Variants in MGA observed in about 807,000 individuals in gnomAD.
The protein encoded by MGA is MAX gene-associated protein.
MGA carries 40 observed loss-of-function variants against 261.1 expected under a neutral mutation model. That is an observed-to-expected ratio of 0.15 (90% CI 0.12 to 0.20). The LOEUF is 0.20. Among genes scored for constraint, MGA ranks in the 10% least tolerant of loss-of-function variants. The pLI is 1.00. For missense variants in MGA, 3,397 were observed against 3,630.5 expected, an observed-to-expected ratio of 0.94 and a Z score of 1.65; for synonymous variants, 1,302 against 1,290.6, an observed-to-expected ratio of 1.01 and a Z score of -0.19.
At chr15:41,650,379 T>A (rs570322128) in intron 1 of MGA, among the ~76,000 whole-genome samples, 1 of 152,324 alleles carries the variant, frequency 6.6e-6, no homozygotes, top group South Asian at 2.1e-4. Flanking sequence ...TCTTTAACAC[T>A]AAGCCTTACT....
chr15:41,638,354 A>AT (rs1485302635), intron 1 of MGA, among the ~76,000 whole-genome samples: 4 of 148,318 alleles, frequency 2.7e-5, no homozygotes. Context: ...TTAATTTTTA[A>AT]TTTTAAAATA....
intron 5 of MGA, among the ~76,000 whole-genome samples, chr15:41,702,937 A>T (rs1003743708): frequency 4.6e-5 from 7 of 151,814 alleles, no homozygotes; most frequent in Admixed American, 1.3e-4. Flanking sequence ...GAGAATACCT[A>T]TTTTTTTTCC....
At chr15:41,636,416 C>A (rs2056708411) in intron 1 of MGA, among the ~76,000 whole-genome samples, 1 of 151,248 alleles carries the variant, frequency 6.6e-6, no homozygotes. Flanking sequence ...CCTCAGCCTC[C>A]CCAGTAGCTG....
intron 5 of MGA, among the ~76,000 whole-genome samples, chr15:41,703,656 T>TG (rs565880543): frequency 0.014 from 2,099 of 152,182 alleles, 43 homozygotes; most frequent in South Asian, 0.07. Context: ...GCAGGAGAAT[T>TG]GCTTGAAACT....
In MGA at chr15:41,762,298, G is replaced by A; in HGVS notation, c.7680G>A (p.Gln2560=). Residue 2560 remains glutamine, a synonymous_variant, in exon 22 of 24, where the codon CAG becomes CAA. Transcript: ENST00000219905. ...CTGCATCATCTGTAGATCTTGGACA[G>A]ATGTTTATAAATAACAGGAGGGGGA... 1 of 1,613,816 alleles carries A rather than the reference G, an allele frequency of 6.2e-7. No homozygotes were observed. The highest frequency in any genetic ancestry group is 8.5e-7 in the Non-Finnish European group (1 of 1,179,836).
chr15:41,623,958 G>A (rs1427495579), intron 1 of MGA, among the ~76,000 whole-genome samples: 3 of 151,218 alleles, frequency 2.0e-5, no homozygotes, highest in African/African-American at 4.9e-5. Flanking sequence ...TTGAGGCGGG[G>A]TTTCACCGTG....
intron 1 of MGA, among the ~76,000 whole-genome samples, chr15:41,640,904 A>C (rs759400447): frequency 1.3e-4 from 20 of 152,190 alleles, no homozygotes; most frequent in Non-Finnish European, 2.6e-4. Context: ...TTTTTAGTGT[A>C]TTCATAGTAA....
At chr15:41,665,889 C>T (rs530077597) in intron 1 of MGA, among the ~76,000 whole-genome samples, 14 of 151,956 alleles carry the variant, frequency 9.2e-5, no homozygotes, top group Non-Finnish European at 1.5e-4. Context: ...TCTTTATAAC[C>T]TTTAATAATT....
intron 5 of MGA, among the ~76,000 whole-genome samples, chr15:41,706,923 A>G (rs1037486810): frequency 8.5e-5 from 13 of 152,188 alleles, no homozygotes; most frequent in African/African-American, 3.1e-4. Context: ...TTTTATTAAA[A>G]TTTAAGTTAA....
intron 1 of MGA, among the ~76,000 whole-genome samples, chr15:41,627,062 A>G (rs967976860): frequency 6.6e-6 from 1 of 152,048 alleles, no homozygotes; most frequent in Non-Finnish European, 1.5e-5. Context: ...GTGCACCACC[A>G]CATCCAGCTA....
intron 1 of MGA, among the ~76,000 whole-genome samples, chr15:41,639,296 G>A (rs1003106655): frequency 3.3e-5 from 5 of 151,832 alleles, no homozygotes; most frequent in African/African-American, 1.2e-4. Context: ...TTCTATTCTT[G>A]ATTCCAGCTC....
At chr15:41,765,959 A>T in intron 23 of MGA, 45 bp from the exon 24 acceptor site, 1 of 1,509,016 alleles carries the variant, frequency 6.6e-7, no homozygotes, top group South Asian at 1.2e-5. Context: ...AGGTGTTAAC[A>T]CTAGATCTAA....
chr15:41,709,812 G>T (rs1332249286), intron 7 of MGA, among the ~76,000 whole-genome samples: 1 of 142,592 alleles, frequency 7.0e-6, no homozygotes, highest in African/African-American at 2.6e-5. Context: ...CCCCTGTTAT[G>T]TGTTTTTCTT....
At chr15:41,681,413 T>G (rs2058669714) in intron 2 of MGA, among the ~76,000 whole-genome samples, 2 of 151,978 alleles carry the variant, frequency 1.3e-5, no homozygotes, top group African/African-American at 4.8e-5. Flanking sequence ...TTTTTTTTTT[T>G]TAATTCTGTT....
chr15:41,733,909 A>C (rs892012406), intron 11 of MGA, among the ~76,000 whole-genome samples: 1 of 96,614 alleles, frequency 1.0e-5, no homozygotes, highest in Non-Finnish European at 2.1e-5. Context: ...ACATTGGCAA[A>C]TTTTGTTTCT....
At position 41,712,265 on chromosome 15, in the gene MGA, A is replaced by G. The variant is rs1308335263; in HGVS notation, c.3085-886A>G. Among the ~76,000 whole-genome samples, 8 of 151,422 alleles carry G rather than the reference A, an allele frequency of 5.3e-5. No homozygotes were observed. In the East Asian group the frequency reaches 1.6e-3, roughly 30 times the overall value. ...TTATTTGTTTTTGAGACAATGTCTC[A>G]CTCTTGTTGCCCAGGCTGGAGTTTA... On this transcript the variant is annotated intron_variant, in intron 8 of 23. Transcript: ENST00000219905.
At chr15:41,658,206 A>G (rs1171722516), upstream of MGA, among the ~76,000 whole-genome samples, 1 of 152,206 alleles carries the variant, frequency 6.6e-6, no homozygotes, top group East Asian at 1.9e-4. Context: ...AGTCTAGGAA[A>G]ATCAAGGCAA....
rs189070719 is a variant in MGA, at chr15:41,717,773, A to G, written c.3430+4277A>G. On this transcript the variant is annotated intron_variant, in intron 9 of 23. Coordinates refer to ENST00000219905, the MANE Select transcript of MGA (RefSeq NM_001164273.2). ...GCATTACCCTGATATTCAATCCATA[A>G]GAAGACTTTACAAGAAAACTGTAGA... Among the ~76,000 whole-genome samples, 598 of 152,342 alleles carry G rather than the reference A, an allele frequency of 3.9e-3. 5 individuals are homozygous for G. Among genetic ancestry groups the G allele is most frequent in the Middle Eastern group, 0.014 (4 of 294 alleles).
chr15:41,703,129 A>G (rs934790746), intron 5 of MGA, among the ~76,000 whole-genome samples: 2 of 152,158 alleles, frequency 1.3e-5, no homozygotes, highest in African/African-American at 4.8e-5. Flanking sequence ...CCCATTCAGG[A>G]TACCACAAGA....
Sources: allele counts gnomAD v4.1 joint callset (sites outside exome capture counted in the v4.1 genomes callset), GRCh38; gene constraint gnomAD v4.1.1; transcripts MANE v1.5; gene names NCBI Gene and HGNC (gene_info 2026-07-23, HGNC 2026-07-21).